The following WDR64 variants were observed in gnomAD, a reference collection of about 807,000 sequenced individuals.
WDR64 encodes the protein WD repeat-containing protein 64.
Under a neutral mutation model 139.3 loss-of-function variants are expected in WDR64, and 112 were observed. That is an observed-to-expected ratio of 0.80 (90% CI 0.69 to 0.94). WDR64 has a LOEUF of 0.94. Ranked by LOEUF, WDR64 falls within the 40% of genes least tolerant of loss-of-function variation. The probability of loss-of-function intolerance (pLI) is 0.00; values close to 1 mark genes in which losing one functional copy is unlikely to be tolerated. For missense variants in WDR64, 1,206 were observed against 1,293.1 expected (o/e 0.93, Z 1.03); for synonymous variants, 444 against 437.7 (o/e 1.01, Z -0.18).
intron 9 of WDR64, among the ~76,000 whole-genome samples, chr1:241,714,044 A>G (rs1373599855): frequency 2.0e-5 from 3 of 152,178 alleles, no homozygotes; most frequent in Non-Finnish European, 4.4e-5. Context: ...CATTCAAGAG[A>G]AGATTCCTTT....
intron 8 of WDR64, 109 bp downstream of exon 8, chr1:241,687,704 C>T (rs1667062719): frequency 9.0e-7 from 1 of 1,113,390 alleles, no homozygotes; most frequent in African/African-American, 1.6e-5. Flanking sequence ...AAAAATCGGA[C>T]ATTAACTATT....
chr1:241,685,573 T>C (rs879816601), intron 7 of WDR64, among the ~76,000 whole-genome samples: 42 of 152,196 alleles, frequency 2.8e-4, no homozygotes, highest in Non-Finnish European at 5.3e-4. Context: ...ATGAACATTT[T>C]TTCCTTATAA....
Position 241,741,637 on chromosome 1 carries a change from CA to C in WDR64, c.1444del (p.Thr482LeufsTer7). 1 of 1,612,110 alleles carries C rather than the reference CA, an allele frequency of 6.2e-7. No individual in the cohort carries two copies. The highest frequency in any genetic ancestry group is 2.2e-5 in the East Asian group (1 of 44,816). ...LYNKYFHQVL[T>X]ICSESIIRVW... ...ACAACAAATATTTTCATCAAGTACT[CA>C]CTATCTGCTCTGAATCCATAATTAG... On this transcript the variant is annotated frameshift_variant, in exon 12 of 28. Transcript: ENST00000437684. LOFTEE classifies it high-confidence loss of function.
At chr1:241,669,739 A>T (rs569979649) in intron 2 of WDR64, among the ~76,000 whole-genome samples, 1 of 152,354 alleles carries the variant, frequency 6.6e-6, no homozygotes, top group Non-Finnish European at 1.5e-5. Context: ...TTAAAATATT[A>T]ATATAATGTT....
rs1237771842 is a variant in WDR64, at chr1:241,735,533, C to CCCTTTTTTTTTTTTTTTTTTT, written c.1195-2830_1195-2829insCCTTTTTTTTTTTTTTTTTTT. Among the ~76,000 whole-genome samples the CCCTTTTTTTTTTTTTTTTTTT allele has an allele frequency of 3.0e-3, 310 of 103,478 alleles. 12 individuals carry two copies. The highest frequency in any genetic ancestry group is 5.4e-3 in the African/African-American group (142 of 26,328). 67.9% of individuals were successfully genotyped at this position (103,478 alleles called of 152,430 possible). On this transcript the variant is annotated intron_variant, in intron 10 of 27. Transcript: ENST00000437684. ...GTTCTCTGTCTCTCTCTCTCTCTCTCTTTTTTTTTTTTTTTTTTTGATACG... is the reference window on the plus strand; with the variant it reads ...GTTCTCTGTCTCTCTCTCTCTCTCTCCCTTTTTTTTTTTTTTTTTTTTTTTTTTTTTTTTTTTTTTGATACG...
intron 21 of WDR64, among the ~76,000 whole-genome samples, chr1:241,776,286 C>T (rs974054591): frequency 2.0e-5 from 3 of 152,000 alleles, no homozygotes; most frequent in East Asian, 3.9e-4. Context: ...GCTATGTTGG[C>T]CAGGCTGGTC....
intron 18 of WDR64, 59 bp downstream of exon 18, chr1:241,770,749 A>G: frequency 1.4e-6 from 2 of 1,479,396 alleles, no homozygotes; most frequent in Non-Finnish European, 1.8e-6. Flanking sequence ...GTTCAAAAAT[A>G]GTGCTATTGA....
At chr1:241,779,544 G>C (rs917595782) in intron 21 of WDR64, among the ~76,000 whole-genome samples, 1 of 152,132 alleles carries the variant, frequency 6.6e-6, no homozygotes, top group African/African-American at 2.4e-5. Context: ...AATGAATATG[G>C]GCCAGGTGTG....
intron 3 of WDR64, among the ~76,000 whole-genome samples, chr1:241,671,887 G>A (rs968340340): frequency 5.9e-5 from 9 of 152,100 alleles, no homozygotes; most frequent in Admixed American, 2.0e-4. Context: ...AAAAAGTACC[G>A]GGAGTCTGGG....
At chr1:241,664,887 G>A (rs116448385) in intron 2 of WDR64, among the ~76,000 whole-genome samples, 67 of 152,190 alleles carry the variant, frequency 4.4e-4, no homozygotes, top group African/African-American at 1.6e-3. Flanking sequence ...CCCTCTTTAT[G>A]TAGTAAGTTC....
At chr1:241,785,372 G>A (rs1268789045) in intron 23 of WDR64, among the ~76,000 whole-genome samples, 1 of 152,154 alleles carries the variant, frequency 6.6e-6, no homozygotes, top group Non-Finnish European at 1.5e-5. Flanking sequence ...CTCTAGCTGT[G>A]TCCTTACATG....
chr1:241,665,209 T>TA (rs1249930846), intron 2 of WDR64, among the ~76,000 whole-genome samples: 4 of 151,310 alleles, frequency 2.6e-5, no homozygotes, highest in South Asian at 4.2e-4. Flanking sequence ...ACTTGAGATT[T>TA]AAAAAAAAAT....
In WDR64 at chr1:241,656,679, G is replaced by A. The variant is rs975117215; in HGVS notation, c.146-3851G>A. ...TTCTAGAACCAGGTATCTTAACCTT[G>A]GCACTACTGATGTTTTGGCTAAATA... On this transcript the variant is annotated intron_variant, in intron 1 of 27. Coordinates refer to ENST00000437684, the MANE Select transcript of WDR64 (RefSeq NM_001367482.1). The surrounding 1 kb of genome is among the most constrained non-coding windows in gnomAD (Gnocchi z 4.3). Among the ~76,000 whole-genome samples the A allele has an allele frequency of 6.6e-6, 1 of 151,992 alleles. No individual in the cohort carries two copies. Among genetic ancestry groups the A allele is most frequent in the African/African-American group, 2.4e-5 (1 of 41,348 alleles).
At chr1:241,749,830 A>G in intron 14 of WDR64, 108 bp downstream of exon 14, 1 of 1,270,202 alleles carries the variant, frequency 7.9e-7, no homozygotes, top group Non-Finnish European at 1.1e-6. Flanking sequence ...AGCCAGCTGA[A>G]GATGGTATTT....
chr1:241,694,301 C>CT (rs569728749), intron 8 of WDR64, among the ~76,000 whole-genome samples: 68 of 152,010 alleles, frequency 4.5e-4, no homozygotes, highest in South Asian at 2.9e-3. Context: ...ATGAAAGATA[C>CT]TTTTTTTTCA....
intron 6 of WDR64, among the ~76,000 whole-genome samples, chr1:241,681,847 T>C (rs1215954411): frequency 6.6e-6 from 1 of 152,166 alleles, no homozygotes; most frequent in Non-Finnish European, 1.5e-5. Flanking sequence ...CATATTGTGG[T>C]TTTGATTTGC....
intron 14 of WDR64, among the ~76,000 whole-genome samples, chr1:241,751,559 C>T (rs1417919245): frequency 1.3e-5 from 2 of 152,182 alleles, no homozygotes; most frequent in African/African-American, 2.4e-5. Flanking sequence ...CAGGAAACAT[C>T]GCTGATGCAT....
intron 3 of WDR64, 82 bp from the exon 4 acceptor site, chr1:241,674,562 A>G (rs1371293195): frequency 1.1e-6 from 1 of 889,570 alleles, no homozygotes; most frequent in African/African-American, 1.7e-5. Flanking sequence ...TGGCCATATC[A>G]TTTTTTAAAA....
At chr1:241,752,101 A>G (rs1670002863) in intron 14 of WDR64, among the ~76,000 whole-genome samples, 1 of 152,188 alleles carries the variant, frequency 6.6e-6, no homozygotes, top group African/African-American at 2.4e-5. Flanking sequence ...GAATCTACTC[A>G]TATAGCTGTA....
Sources: allele counts gnomAD v4.1 joint callset (sites outside exome capture counted in the v4.1 genomes callset), GRCh38; gene constraint gnomAD v4.1.1; non-coding constraint Gnocchi (gnomAD v3.1); transcripts MANE v1.5; gene names NCBI Gene and HGNC (gene_info 2026-07-23, HGNC 2026-07-21).